Variants in GLRA3 observed in about 807,000 individuals in gnomAD.
GLRA3 encodes glycine receptor subunit alpha-3.
GLRA3 carries 44 observed loss-of-function variants against 60.4 expected under a neutral mutation model. The observed-to-expected ratio is 0.73, with a 90% CI of 0.57 to 0.94. The LOEUF is 0.94. Ranked by LOEUF, GLRA3 falls within the 40% of genes least tolerant of loss-of-function variation. GLRA3 has a pLI of 0.00. For missense variants in GLRA3, 508 were observed against 564.6 expected (o/e 0.90, Z 1.02); for synonymous variants, 223 against 192.9 (o/e 1.16, Z -1.29).
intron 2 of GLRA3, among the ~76,000 whole-genome samples, chr4:174,773,313 G>GTTT (rs10645897): frequency 1.4e-3 from 215 of 148,506 alleles, no homozygotes; most frequent in African/African-American, 2.6e-3. Flanking sequence ...TCGTTTAGAT[G>GTTT]TTTTTTTTTT....
chr4:174,721,403 C>T (rs551677290), intron 4 of GLRA3, among the ~76,000 whole-genome samples: 40 of 151,692 alleles, frequency 2.6e-4, no homozygotes, highest in Non-Finnish European at 4.3e-4. Context: ...CCTGATTAAG[C>T]TTGGTAGTTT....
chr4:174,659,071 G>C lies in GLRA3; in HGVS notation c.1054C>G (p.Arg352Gly). ...RQHKELLRFR[R>G]KRKNKTEAFA... ...TCACTTACCTTATTCTTTCTCTTTC[G>C]TCGAAATCTCAGAAGTTCTTTGTGT... The change falls in exon 8 of 10, where the codon CGA becomes GGA. Residue 352 changes from arginine to glycine, a missense_variant. By Grantham distance (125) the Arg-to-Gly change is moderately radical. Transcript: ENST00000274093. 1 of 1,612,204 alleles carries C rather than the reference G, an allele frequency of 6.2e-7. No individual in the cohort carries two copies. The highest frequency in any genetic ancestry group is 8.5e-7 in the Non-Finnish European group (1 of 1,178,918).
At chr4:174,813,980 G>T (rs1238767027) in intron 1 of GLRA3, among the ~76,000 whole-genome samples, 1 of 152,226 alleles carries the variant, frequency 6.6e-6, no homozygotes. Context: ...GAGCACACAG[G>T]TGAGAGTCTG....
chr4:174,664,835 C>A (rs1327995057), intron 7 of GLRA3, among the ~76,000 whole-genome samples: 4 of 152,158 alleles, frequency 2.6e-5, no homozygotes, highest in Non-Finnish European at 5.9e-5. Context: ...GACTAGCTTT[C>A]ATTTTTGTTT....
At chr4:174,648,624 T>A (rs1398179023) in intron 9 of GLRA3, among the ~76,000 whole-genome samples, 1 of 152,134 alleles carries the variant, frequency 6.6e-6, no homozygotes, top group Non-Finnish European at 1.5e-5. Context: ...ACCCAAACCA[T>A]ATCCCCCAAC....
At position 174,666,868 on chromosome 4, in the gene GLRA3, C is replaced by T. The variant is rs141883227; in HGVS notation, c.928-7671G>A. ...CTGAGAAGCAGTCATGTTCAGGGAGCTTGCCTAACCATGAGATTTCTCCGT... is the reference window on the plus strand; with the variant it reads ...CTGAGAAGCAGTCATGTTCAGGGAGTTTGCCTAACCATGAGATTTCTCCGT... On this transcript the variant is annotated intron_variant, in intron 7 of 9. Transcript: ENST00000274093. Among the ~76,000 whole-genome samples the T allele has an allele frequency of 3.0e-4, 45 of 151,038 alleles. 1 individual carries two copies. The East Asian group carries it at 8.4e-3, about 28-fold the overall frequency.
rs141787413 is a variant in GLRA3 at position 174,763,274 on chromosome 4, A to C, written c.267+3689T>G. 5.4e-3 allele frequency among the ~76,000 whole-genome samples: 824 copies of C among 152,292 alleles called. 8 individuals are homozygous for C. The highest frequency in any genetic ancestry group is 0.018 in the African/African-American group (757 of 41,558). ...CCCATTTTACCTAGTAACTGCTTCC[A>C]TGTAACTGCTACCTTCCATGCCTCA... On this transcript the variant is annotated intron_variant, in intron 3 of 9. Coordinates refer to ENST00000274093, the MANE Select transcript of GLRA3 (RefSeq NM_006529.4).
chr4:174,817,936 A>G (rs552018762), intron 1 of GLRA3, among the ~76,000 whole-genome samples: 38 of 152,330 alleles, frequency 2.5e-4, no homozygotes, highest in Non-Finnish European at 5.4e-4. Flanking sequence ...TAAATATGAA[A>G]TTATAGCTAT....
chr4:174,732,881 C>T (rs1477196340), intron 3 of GLRA3, among the ~76,000 whole-genome samples: 1 of 151,340 alleles, frequency 6.6e-6, no homozygotes, highest in African/African-American at 2.4e-5. Context: ...TTATAACTAC[C>T]AACTTTATGA....
At chr4:174,656,914 A>G (rs956159793) in intron 8 of GLRA3, 127 bp from the exon 9 acceptor site, 4 of 557,990 alleles carry the variant, frequency 7.2e-6, no homozygotes, top group Non-Finnish European at 1.3e-5. Flanking sequence ...GTAGCAATTA[A>G]TAGATTTTCA....
chr4:174,692,183 C>T (rs1265615704), intron 5 of GLRA3, among the ~76,000 whole-genome samples: 16 of 151,514 alleles, frequency 1.1e-4, no homozygotes, highest in Non-Finnish European at 2.2e-4. Context: ...AAGTGAGGAG[C>T]GTCTCCACCC....
chr4:174,789,658 C>A (rs1046118508), intron 1 of GLRA3, among the ~76,000 whole-genome samples: 11 of 152,160 alleles, frequency 7.2e-5, no homozygotes, highest in African/African-American at 2.7e-4. Flanking sequence ...TTGTGTCCAG[C>A]CACTTATCCT....
intron 1 of GLRA3, among the ~76,000 whole-genome samples, chr4:174,812,005 T>C (rs1008265183): frequency 3.0e-4 from 45 of 152,192 alleles, no homozygotes; most frequent in Non-Finnish European, 5.4e-4. Flanking sequence ...GCACAAAGCA[T>C]GTTTAAAATA....
chr4:174,680,275 A>C (rs762414909), intron 6 of GLRA3, among the ~76,000 whole-genome samples: 1 of 152,226 alleles, frequency 6.6e-6, no homozygotes, highest in Non-Finnish European at 1.5e-5. Context: ...GAGATAAAAG[A>C]ACAAGTTGGA....
chr4:174,661,598 C>A (rs1337786981), intron 7 of GLRA3, among the ~76,000 whole-genome samples: 1 of 152,130 alleles, frequency 6.6e-6, no homozygotes, highest in East Asian at 1.9e-4. Context: ...CACCATTGGC[C>A]CCATTTGGCT....
At chr4:174,770,601 A>G (rs1185776472) in intron 2 of GLRA3, among the ~76,000 whole-genome samples, 1 of 64,986 alleles carries the variant, frequency 1.5e-5, no homozygotes, top group Non-Finnish European at 3.6e-5. Flanking sequence ...TTTACTAAAC[A>G]TAGGAATGTC....
intron 3 of GLRA3, among the ~76,000 whole-genome samples, chr4:174,732,317 T>A (rs1445588240): frequency 6.6e-6 from 1 of 150,390 alleles, no homozygotes; most frequent in Non-Finnish European, 1.5e-5. Flanking sequence ...ATCACGCCTC[T>A]GCACTCCAGC....
At chr4:174,794,385 A>G (rs902904846) in intron 1 of GLRA3, among the ~76,000 whole-genome samples, 1 of 152,122 alleles carries the variant, frequency 6.6e-6, no homozygotes, top group African/African-American at 2.4e-5. Context: ...TCTGTAGTAT[A>G]TGATCATGTT....
intron 3 of GLRA3, among the ~76,000 whole-genome samples, chr4:174,763,794 T>C (rs756771594): frequency 2.0e-5 from 3 of 152,174 alleles, no homozygotes; most frequent in Non-Finnish European, 2.9e-5. Flanking sequence ...ACAGTAATGA[T>C]GGTAAACTAG....
Sources: allele counts gnomAD v4.1 joint callset (sites outside exome capture counted in the v4.1 genomes callset), GRCh38; gene constraint gnomAD v4.1.1; transcripts MANE v1.5; gene names NCBI Gene and HGNC (gene_info 2026-07-23, HGNC 2026-07-21).